PDHX: variants seen among roughly 807,000 people sequenced by gnomAD.
PDHX encodes pyruvate dehydrogenase complex component X.
In PDHX, 33 loss-of-function variants were observed where a neutral mutation model predicts 55.3. The ratio of observed to expected loss-of-function variants is 0.60; its 90% CI spans 0.45 to 0.80. PDHX has a LOEUF of 0.80. PDHX is among the 30% of genes least tolerant of loss of function. The pLI is 0.00. For missense variants in PDHX, 622 were observed against 619.9 expected (o/e 1.00, Z -0.04); for synonymous variants, 226 against 219.4 (o/e 1.03, Z -0.27).
chr11:34,963,714 GGCT>G (rs1855068465), intron 5 of PDHX, among the ~76,000 whole-genome samples: 1 of 152,112 alleles, frequency 6.6e-6, no homozygotes, highest in South Asian at 2.1e-4. Flanking sequence ...TGGGTATCAG[GGCT>G]GCTATTTTAA....
intron 3 of PDHX, among the ~76,000 whole-genome samples, chr11:34,955,390 A>G (rs1854882146): frequency 6.6e-6 from 1 of 152,196 alleles, no homozygotes; most frequent in African/African-American, 2.4e-5. Flanking sequence ...CACCAAAGGA[A>G]TAGAAAAGGT....
At position 34,995,120 on chromosome 11, in the gene PDHX, G is replaced by A; in HGVS notation, c.1454G>A (p.Arg485Lys). The part of the protein sequence containing the change: ...SRVVDDELAT[R>K]FLKSFKANLE... ...GTGGTTGATGACGAACTGGCAACCA[G>A]GTTTCTTAAAAGTTTTAAAGCAAAC... The change falls in exon 11 of 11, where the codon AGG becomes AAG. Residue 485 changes from arginine to lysine, a missense_variant. Arg to Lys is a conservative substitution (Grantham distance 26). Transcript: ENST00000227868. 6.2e-7 allele frequency: 1 copy of A among 1,614,006 alleles called. No individual in the cohort carries two copies. The highest frequency in any genetic ancestry group is 8.5e-7 in the Non-Finnish European group (1 of 1,179,914).
chr11:34,935,742 C>A (rs1185012738), intron 2 of PDHX, among the ~76,000 whole-genome samples: 3 of 152,142 alleles, frequency 2.0e-5, no homozygotes, highest in Non-Finnish European at 4.4e-5. Flanking sequence ...TATGCGTCAT[C>A]TGGAGCAATG....
chr11:34,945,878 G>A lies in PDHX; in HGVS notation c.242-1628G>A, dbSNP rs12270826. Among the ~76,000 whole-genome samples the A allele has an allele frequency of 8.0e-3, 1,217 of 152,168 alleles. 16 individuals carry two copies. Among genetic ancestry groups the A allele is most frequent in the African/African-American group, 0.028 (1,154 of 41,512 alleles). On this transcript the variant is annotated intron_variant, in intron 2 of 10. Transcript: ENST00000227868. ...ACACAGATCCGTATGCCCCCTGCTA[G>A]TCAGTACACCTATCCTAAATTCATT... is the stretch of plus-strand genomic sequence containing the variant.
chr11:34,983,760 C>T (rs556051007), intron 8 of PDHX, among the ~76,000 whole-genome samples: 6 of 151,900 alleles, frequency 3.9e-5, no homozygotes, highest in Admixed American at 2.6e-4. Context: ...AACCACTGCT[C>T]GATGAAATAA....
At chr11:34,983,326 A>C (rs113398678) in intron 8 of PDHX, among the ~76,000 whole-genome samples, 1 of 152,274 alleles carries the variant, frequency 6.6e-6, no homozygotes, top group East Asian at 1.9e-4. Context: ...CATACTGAAT[A>C]GGCAAAAACT....
chr11:34,986,836 G>A (rs2767042), intron 9 of PDHX, among the ~76,000 whole-genome samples: 88,426 of 151,926 alleles, frequency 0.58, 27,893 homozygotes, highest in East Asian at 0.75. Flanking sequence ...GGGACTCAGG[G>A]TTTGCTGAGC....
intron 2 of PDHX, among the ~76,000 whole-genome samples, chr11:34,942,159 C>T (rs1854503148): frequency 6.6e-6 from 1 of 151,430 alleles, no homozygotes; most frequent in Non-Finnish European, 1.5e-5. Context: ...TAGTACAGTG[C>T]CTTATACATT....
In PDHX at chr11:34,928,928, G is replaced by A. The variant is rs78520225; in HGVS notation, c.161-2476G>A. On this transcript the variant is annotated intron_variant, in intron 1 of 10. Transcript: ENST00000227868. ...TACCTATTTAATATTTTAATCACAA[G>A]GACTTATTTTACTAAGTAAAAAATG... Among the ~76,000 whole-genome samples, 413 of 152,210 alleles carry A rather than the reference G, an allele frequency of 2.7e-3. 1 individual carries two copies. Among genetic ancestry groups the A allele is most frequent in the Middle Eastern group, 0.01 (3 of 294 alleles).
chr11:34,942,882 A>G (rs940655806), intron 2 of PDHX, among the ~76,000 whole-genome samples: 3 of 152,002 alleles, frequency 2.0e-5, no homozygotes, highest in Non-Finnish European at 4.4e-5. Flanking sequence ...ATTCTCATCT[A>G]GCTAACATAT....
At chr11:34,992,167 T>C (rs1855770122) in intron 9 of PDHX, 148 bp from the exon 10 acceptor site, 4 of 589,556 alleles carry the variant, frequency 6.8e-6, no homozygotes, top group Middle Eastern at 8.9e-4. Flanking sequence ...TTTGTTCTTA[T>C]AATTAGAGAA....
intron 7 of PDHX, among the ~76,000 whole-genome samples, chr11:34,972,384 C>G (rs1855275277): frequency 7.4e-6 from 1 of 135,332 alleles, no homozygotes; most frequent in African/African-American, 2.7e-5. Flanking sequence ...AGCTGTATCC[C>G]ACAAATGTTG....
At chr11:34,916,962 A>T in intron 1 of PDHX, 147 bp downstream of exon 1, 3 of 843,432 alleles carry the variant, frequency 3.6e-6, no homozygotes, top group Non-Finnish European at 1.9e-6. Context: ...GGGTCCGCCG[A>T]CTTGGCCTAA....
At position 34,978,136 on chromosome 11, in the gene PDHX, T is replaced by C. The variant is rs1386041462; in HGVS notation, c.977T>C (p.Val326Ala). ...RQDLVKDDIK[V>A]SVNDFIIKAA... ...ATTTTTCTTTCAGATGACATTAAAG[T>C]ATCAGTAAATGATTTTATCATCAAG... The change falls in exon 8 of 11, where the codon GTA becomes GCA. Residue 326 changes from valine (V) to alanine (A), a missense_variant. Physicochemically the swap from Val to Ala is moderately conservative, Grantham distance 64. Coordinates refer to ENST00000227868, the MANE Select transcript of PDHX (RefSeq NM_003477.3). 1 of 1,554,706 alleles carries C rather than the reference T, an allele frequency of 6.4e-7. No homozygotes were observed. Among genetic ancestry groups the C allele is most frequent in the Non-Finnish European group, 8.9e-7 (1 of 1,126,718 alleles).
At chr11:34,925,889 A>G (rs1306725172) in intron 1 of PDHX, among the ~76,000 whole-genome samples, 1 of 152,222 alleles carries the variant, frequency 6.6e-6, no homozygotes, top group East Asian at 1.9e-4. Context: ...AGTAAGAATA[A>G]TGAATGCAAA....
intron 3 of PDHX, among the ~76,000 whole-genome samples, chr11:34,954,269 A>G (rs1323950629): frequency 6.6e-6 from 1 of 152,256 alleles, no homozygotes; most frequent in African/African-American, 2.4e-5. Flanking sequence ...TATCAGAATT[A>G]AAACAGACAA....
At chr11:34,936,985 C>T (rs572511225) in intron 2 of PDHX, among the ~76,000 whole-genome samples, 1 of 151,964 alleles carries the variant, frequency 6.6e-6, no homozygotes, top group East Asian at 1.9e-4. Flanking sequence ...GACAAGGTTT[C>T]ACCATGTTGG....
At chr11:34,916,137 C>T (rs561463212), upstream of PDHX, 3 of 1,510,142 alleles carry the variant, frequency 2.0e-6, no homozygotes, top group African/African-American at 4.2e-5. Context: ...GCTAAACGCC[C>T]GGCCCGCTAC....
At chr11:34,933,713 A>T (rs545440998) in intron 2 of PDHX, among the ~76,000 whole-genome samples, 1 of 152,110 alleles carries the variant, frequency 6.6e-6, no homozygotes, top group East Asian at 1.9e-4. Context: ...AGCTACTTGC[A>T]GGCCTAGGGC....
Sources: gnomAD v4.1 joint callset for allele counts (sites outside exome capture counted in the v4.1 genomes callset) on GRCh38, gnomAD v4.1.1 for gene constraint, MANE v1.5 for transcripts, NCBI Gene and HGNC (gene_info 2026-07-23, HGNC 2026-07-21) for gene names.